The following TRHDE variants were observed in gnomAD, a reference collection of about 807,000 sequenced individuals.
The protein encoded by TRHDE is thyrotropin-releasing hormone-degrading ectoenzyme.
Under a neutral mutation model 125.7 loss-of-function variants are expected in TRHDE, and 72 were observed. That is an observed-to-expected ratio of 0.57 (90% CI 0.47 to 0.70). The LOEUF is 0.70. TRHDE is among the 30% of genes least tolerant of loss of function. TRHDE has a pLI of 0.00. For synonymous variants in TRHDE, 509 were observed against 509.1 expected (o/e 1.00, Z 0.00); for missense variants, 1,110 against 1,327.1 (o/e 0.84, Z 2.54).
At chr12:72,444,312 C>T (rs1875169589) in intron 3 of TRHDE, among the ~76,000 whole-genome samples, 1 of 151,904 alleles carries the variant, frequency 6.6e-6, no homozygotes, top group Non-Finnish European at 1.5e-5. Context: ...TCTAATTGCA[C>T]TGTAAAAGTC....
intron 1 of TRHDE, among the ~76,000 whole-genome samples, chr12:72,099,365 A>G (rs1455458613): frequency 2.0e-5 from 3 of 152,146 alleles, no homozygotes; most frequent in African/African-American, 7.2e-5. Context: ...TTTTTAGAAT[A>G]CTTGTTATAT....
intron 2 of TRHDE, among the ~76,000 whole-genome samples, chr12:72,297,090 A>C (rs987484315): frequency 2.6e-5 from 4 of 152,154 alleles, no homozygotes; most frequent in African/African-American, 9.7e-5. Flanking sequence ...CAGGAATAAG[A>C]ATAGAGAAAG....
At chr12:72,321,269 G>A (rs767971362) in intron 2 of TRHDE, among the ~76,000 whole-genome samples, 60 of 152,156 alleles carry the variant, frequency 3.9e-4, no homozygotes, top group Non-Finnish European at 3.1e-4. Context: ...CTGAAGAAGA[G>A]GCAGCCACTG....
At chr12:72,531,662 C>A (rs10879439) in intron 6 of TRHDE, among the ~76,000 whole-genome samples, 1 of 151,762 alleles carries the variant, frequency 6.6e-6, no homozygotes, top group African/African-American at 2.4e-5. Flanking sequence ...TGATGTTGTG[C>A]TGTCCAATGT....
intron 1 of TRHDE, among the ~76,000 whole-genome samples, chr12:72,098,382 C>T (rs926149354): frequency 6.6e-6 from 1 of 152,090 alleles, no homozygotes; most frequent in African/African-American, 2.4e-5. Context: ...GAAATGCTGA[C>T]ATTGATGCAG....
intron 2 of TRHDE, among the ~76,000 whole-genome samples, chr12:72,338,630 C>G (rs1332507375): frequency 1.3e-5 from 2 of 152,142 alleles, no homozygotes; most frequent in Non-Finnish European, 2.9e-5. Context: ...ATAAAGAGGA[C>G]TCAGTGGTTG....
chr12:72,581,122 A>G (rs999856676), intron 12 of TRHDE, among the ~76,000 whole-genome samples: 4 of 152,228 alleles, frequency 2.6e-5, no homozygotes, highest in Admixed American at 2.6e-4. Flanking sequence ...CTCATGGCAC[A>G]ATTTGGATAA....
intron 2 of TRHDE, among the ~76,000 whole-genome samples, chr12:72,259,922 C>T (rs1565675102): frequency 6.6e-6 from 1 of 152,192 alleles, no homozygotes; most frequent in Non-Finnish European, 1.5e-5. Flanking sequence ...GCTATTTAGG[C>T]ATCATGTAAA....
At chr12:72,643,118 A>G (rs910292371) in intron 15 of TRHDE, among the ~76,000 whole-genome samples, 1 of 152,150 alleles carries the variant, frequency 6.6e-6, no homozygotes, top group African/African-American at 2.4e-5. Context: ...CATCTGCTGC[A>G]TGGATAAAAA....
chr12:72,139,745 AT>A (rs1370475394), intron 2 of TRHDE, among the ~76,000 whole-genome samples: 1 of 152,174 alleles, frequency 6.6e-6, no homozygotes, highest in Non-Finnish European at 1.5e-5. Flanking sequence ...CCTATTGTAA[AT>A]CAAAAATAAA....
intron 5 of TRHDE, among the ~76,000 whole-genome samples, chr12:72,492,746 A>G (rs1039439301): frequency 6.6e-6 from 1 of 151,900 alleles, no homozygotes; most frequent in Non-Finnish European, 1.5e-5. Flanking sequence ...ATTTTGTTTA[A>G]CCTAGGGACT....
chr12:72,604,571 A>G (rs1053694088), intron 12 of TRHDE, among the ~76,000 whole-genome samples: 1 of 152,028 alleles, frequency 6.6e-6, no homozygotes, highest in African/African-American at 2.4e-5. Flanking sequence ...GAAATTTCTA[A>G]TTCTTTCAAT....
At chr12:72,372,890 T>A (rs997307230) in intron 2 of TRHDE, among the ~76,000 whole-genome samples, 1 of 152,242 alleles carries the variant, frequency 6.6e-6, no homozygotes, top group African/African-American at 2.4e-5. Flanking sequence ...TTTGGTTCCC[T>A]ATGAACTTTA....
intron 3 of TRHDE, among the ~76,000 whole-genome samples, chr12:72,398,409 T>G (rs1872896601): frequency 6.6e-6 from 1 of 152,164 alleles, no homozygotes; most frequent in Non-Finnish European, 1.5e-5. Context: ...GAATCGCCAC[T>G]TTTTGTCATT....
At chr12:72,118,353 C>A (rs77098389) in intron 2 of TRHDE, among the ~76,000 whole-genome samples, 7,145 of 151,936 alleles carry the variant, frequency 0.047, 331 homozygotes, top group South Asian at 0.11. Context: ...AATATATCAC[C>A]TTGTTTGATT....
intron 3 of TRHDE, among the ~76,000 whole-genome samples, chr12:72,463,998 G>A (rs1876248777): frequency 6.6e-6 from 1 of 152,146 alleles, no homozygotes; most frequent in South Asian, 2.1e-4. Flanking sequence ...TTTATTTTAT[G>A]AGGGCTGACT....
intron 2 of TRHDE, among the ~76,000 whole-genome samples, chr12:72,248,403 G>A (rs551056520): frequency 1.5e-4 from 19 of 127,644 alleles, no homozygotes; most frequent in African/African-American, 5.0e-4. Context: ...GGGCAACAAA[G>A]CGAGACTCTG....
chr12:72,634,520 C>CT (rs1312278600), intron 15 of TRHDE, among the ~76,000 whole-genome samples: 2 of 150,058 alleles, frequency 1.3e-5, no homozygotes, highest in East Asian at 3.9e-4. Flanking sequence ...TATTATTATA[C>CT]TTTAAGTTTT....
At chr12:72,290,553 G>A (rs1404267070) in intron 2 of TRHDE, among the ~76,000 whole-genome samples, 1 of 152,176 alleles carries the variant, frequency 6.6e-6, no homozygotes, top group Admixed American at 6.5e-5. Flanking sequence ...GGGCACAGTG[G>A]TGGCAACTTC....
Sources: gnomAD v4.1 joint callset for allele counts (sites outside exome capture counted in the v4.1 genomes callset) on GRCh38, gnomAD v4.1.1 for gene constraint, MANE v1.5 for transcripts, NCBI Gene and HGNC (gene_info 2026-07-23, HGNC 2026-07-21) for gene names.